Variants in HMCN1 observed in about 807,000 individuals in gnomAD.
HMCN1 encodes hemicentin-1.
Under a neutral mutation model 625.9 loss-of-function variants are expected in HMCN1, and 321 were observed. That is an observed-to-expected ratio of 0.51 (90% confidence interval 0.47 to 0.56). The LOEUF is 0.56. Ranked by LOEUF, HMCN1 falls within the 20% of genes least tolerant of loss-of-function variation. The pLI is 0.00. For synonymous variants in HMCN1, 2,425 were observed against 2,417.6 expected (o/e 1.00, Z -0.09); for missense variants, 6,588 against 6,887.3 (o/e 0.96, Z 1.54).
intron 68 of HMCN1, 128 bp downstream of exon 68, chr1:186,095,649 A>C (rs2180480): frequency 6.4e-6 from 6 of 941,016 alleles, no homozygotes; most frequent in Non-Finnish European, 9.4e-6. Flanking sequence ...ATTGCATTTT[A>C]ATTTTTTTTA....
Position 185,962,664 on chromosome 1 carries a change from T to C in HMCN1, c.1970+5T>C. 6.5e-7 allele frequency: 1 copy of C among 1,527,226 alleles called. No homozygotes were observed. Among genetic ancestry groups the C allele is most frequent in the Non-Finnish European group, 9.1e-7 (1 of 1,100,674 alleles). The allele number at this position is 1,527,226 out of a possible 1,614,324, so 94.6% of individuals were successfully genotyped here. The stretch of plus-strand genomic sequence containing the variant: ...GTTTATCGTGGGTTCACACAGGTAC[T>C]GGGTTTGTATCATGTTTTTGTTTTT... On this transcript the variant is annotated splice_donor_5th_base_variant and intron_variant, in intron 12 of 106. Transcript: ENST00000271588.
At chr1:185,779,062 A>C (rs888561173) in intron 1 of HMCN1, among the ~76,000 whole-genome samples, 5 of 152,018 alleles carry the variant, frequency 3.3e-5, no homozygotes, top group African/African-American at 4.8e-5. Flanking sequence ...ATGGTATCTC[A>C]TTGTGGTTTT....
intron 56 of HMCN1, among the ~76,000 whole-genome samples, chr1:186,082,293 G>C (rs370852804): frequency 8.5e-5 from 13 of 152,192 alleles, no homozygotes; most frequent in Non-Finnish European, 1.8e-4. Context: ...TCACAAGCCT[G>C]CTGGTTTGCT....
rs183090138 is a variant in HMCN1 at position 185,800,469 on chromosome 1, G to A, written c.269-45557G>A. 1.0e-3 allele frequency among the ~76,000 whole-genome samples: 159 copies of A among 151,890 alleles called. 1 individual carries two copies. The highest frequency in any genetic ancestry group is 2.4e-4 in the Non-Finnish European group (16 of 67,960). The stretch of plus-strand genomic sequence containing the variant: ...CATCCAGTCATCTGTTTAGTCTTTA[G>A]CATTTCCAAGCTATAATTTCCCCCT... On this transcript the variant is annotated intron_variant, in intron 1 of 106. Transcript: ENST00000271588.
chr1:186,132,297 ATT>A (rs768509049), intron 85 of HMCN1, 29 bp from the exon 86 acceptor site: 31 of 1,552,282 alleles, frequency 2.0e-5, no homozygotes, highest in Non-Finnish European at 2.8e-5. Flanking sequence ...GTAGGCTCAT[ATT>A]TTTGTAAAAA....
intron 2 of HMCN1, among the ~76,000 whole-genome samples, chr1:185,847,323 A>G (rs1661882982): frequency 6.6e-6 from 1 of 152,182 alleles, no homozygotes; most frequent in South Asian, 2.1e-4. Context: ...CACCTAACTC[A>G]AATGGACTCT....
Position 186,088,746 on chromosome 1 carries a change from T to C in HMCN1, c.9718T>C (p.Ser3240Pro). ...EGKAQKYYFLSIQVPPSVAGA... is the reference protein window; with the variant it reads ...EGKAQKYYFLPIQVPPSVAGA... ...AAAAGCCCAGAAATATTACTTTCTT[T>C]CAATTCAAGGTATGTATTGTCCACT... Residue 3240 changes from serine to proline, a missense_variant, in exon 63 of 107, where the codon TCA becomes CCA. By Grantham distance (74) the Ser-to-Pro change is moderately conservative. Transcript: ENST00000271588. The C allele has an allele frequency of 6.2e-7, 1 of 1,607,732 alleles. No homozygotes were observed. Among genetic ancestry groups the C allele is most frequent in the Non-Finnish European group, 8.5e-7 (1 of 1,175,894 alleles).
chr1:185,777,592 C>T (rs557150873), intron 1 of HMCN1, among the ~76,000 whole-genome samples: 1 of 152,278 alleles, frequency 6.6e-6, no homozygotes, highest in East Asian at 1.9e-4. Flanking sequence ...GCTGGGACTA[C>T]AGGCATGCGC....
intron 14 of HMCN1, among the ~76,000 whole-genome samples, chr1:185,966,137 G>A (rs745361643): frequency 4.6e-5 from 7 of 152,130 alleles, no homozygotes; most frequent in East Asian, 1.9e-4. Flanking sequence ...GGAAAAGTTC[G>A]CCTTTGCTAA....
chr1:186,017,245 A>G (rs752945607), intron 33 of HMCN1, among the ~76,000 whole-genome samples, 174 bp downstream of exon 33: 25 of 152,058 alleles, frequency 1.6e-4, no homozygotes, highest in Non-Finnish European at 3.4e-4. Flanking sequence ...TGATAGTCCA[A>G]AGGCACCTAA....
intron 1 of HMCN1, among the ~76,000 whole-genome samples, chr1:185,740,519 AT>A (rs1216014589): frequency 6.6e-6 from 1 of 152,128 alleles, no homozygotes; most frequent in Non-Finnish European, 1.5e-5. Flanking sequence ...CATGCCAAAA[AT>A]TTTATGTGGA....
At chr1:186,057,448 C>T in intron 46 of HMCN1, 47 bp downstream of exon 46, 1 of 1,271,650 alleles carries the variant, frequency 7.9e-7, no homozygotes, top group South Asian at 1.2e-5. Flanking sequence ...CTTCATACGG[C>T]TACAATTTCT....
At chr1:186,043,061 G>A (rs1242561969) in intron 40 of HMCN1, among the ~76,000 whole-genome samples, 1 of 152,066 alleles carries the variant, frequency 6.6e-6, no homozygotes, top group Non-Finnish European at 1.5e-5. Context: ...GATTCATGTA[G>A]TACCTTTTCT....
chr1:185,816,164 T>G (rs569012881), intron 1 of HMCN1, among the ~76,000 whole-genome samples: 1 of 140,446 alleles, frequency 7.1e-6, no homozygotes, highest in African/African-American at 3.3e-5. Flanking sequence ...CACTATCTGG[T>G]CAGAATGGAA....
chr1:185,864,494 A>C lies in HMCN1; in HGVS notation c.364A>C (p.Ser122Arg). 6.2e-7 allele frequency: 1 copy of C among 1,614,036 alleles called. No individual in the cohort carries two copies. Among genetic ancestry groups the C allele is most frequent in the Non-Finnish European group, 8.5e-7 (1 of 1,179,938 alleles). The change falls in exon 3 of 107, where the codon AGT becomes CGT. Residue 122 changes from serine (S) to arginine (R), a missense_variant. Around this residue, in one of 3 missense-constraint regions of HMCN1, gnomAD observed 4,628 missense variants for 4,853.1 expected, o/e 0.95. Coordinates refer to ENST00000271588, the MANE Select transcript of HMCN1 (RefSeq NM_031935.3). ...VQGGGDCPEM[S>R]IGAIKIALEI... ...GGGTGGTGGTGATTGCCCAGAAATG[A>C]GTATTGGAGCTATAAAAATTGCCTT...
rs1354333826 is a variant in HMCN1 at position 185,734,644 on chromosome 1, G to C, written c.-136G>C. 1.2e-6 allele frequency: 1 copy of C among 846,698 alleles called. No homozygotes were observed. The highest frequency in any genetic ancestry group is 2.4e-5 in the East Asian group (1 of 41,140). The allele number at this position is 846,698 out of a possible 1,614,324, so 52.4% of individuals were successfully genotyped here. On this transcript the variant is annotated 5_prime_UTR_variant, in exon 1 of 107. Coordinates refer to ENST00000271588, the MANE Select transcript of HMCN1 (RefSeq NM_031935.3). ...TGCTTGTCCCCGTCTGATTCTCAGC[G>C]CCAAACTTTTTGCTAGTTCAGAGAT...
chr1:186,096,402 A>T (rs535326144), intron 68 of HMCN1, among the ~76,000 whole-genome samples: 25 of 152,174 alleles, frequency 1.6e-4, no homozygotes, highest in African/African-American at 5.8e-4. Flanking sequence ...TACACTAGAG[A>T]CTATTAATGT....
chr1:185,892,074 C>T (rs1447885927), intron 4 of HMCN1, among the ~76,000 whole-genome samples: 1 of 150,988 alleles, frequency 6.6e-6, no homozygotes, highest in Non-Finnish European at 1.5e-5. Flanking sequence ...TCTTCCATCG[C>T]TGTTACCCTT....
chr1:185,900,025 CT>C (rs956265211), intron 4 of HMCN1, among the ~76,000 whole-genome samples: 6 of 151,666 alleles, frequency 4.0e-5, no homozygotes, highest in African/African-American at 9.7e-5. Context: ...TTTTCTTTTC[CT>C]TTTTTTCTCC....
Sources: allele counts gnomAD v4.1 joint callset (sites outside exome capture counted in the v4.1 genomes callset), GRCh38; gene constraint gnomAD v4.1.1; regional missense constraint gnomAD v4.1.1; transcripts MANE v1.5; gene names NCBI Gene and HGNC (gene_info 2026-07-23, HGNC 2026-07-21).